IKZF3: variants seen among roughly 807,000 people sequenced by gnomAD.
IKZF3 encodes the protein IKAROS family zinc finger 3.
IKZF3 carries 10 observed loss-of-function variants against 49.0 expected under a neutral mutation model. That is an observed-to-expected ratio of 0.20 (90% CI 0.13 to 0.35). IKZF3 has a LOEUF of 0.35. Among genes scored for constraint, IKZF3 ranks in the 10% least tolerant of loss-of-function variants. IKZF3 has a pLI of 1.00. For missense variants in IKZF3, 498 were observed against 664.8 expected, an observed-to-expected ratio of 0.75 and a Z score of 2.76; for synonymous variants, 209 against 228.2, an observed-to-expected ratio of 0.92 and a Z score of 0.76.
At chr17:39,863,313 G>A (rs1480378075) in intron 1 of IKZF3, among the ~76,000 whole-genome samples, 1 of 152,084 alleles carries the variant, frequency 6.6e-6, no homozygotes, top group Non-Finnish European at 1.5e-5. Context: ...TTATTATGAA[G>A]AAAATACCCA....
chr17:39,830,011 C>T (rs1159047367), intron 2 of IKZF3, among the ~76,000 whole-genome samples: 1 of 152,144 alleles, frequency 6.6e-6, no homozygotes, highest in Non-Finnish European at 1.5e-5. Context: ...TGAATACACA[C>T]AACTTTCTTG....
chr17:39,844,485 A>T (rs1032028619), intron 1 of IKZF3, among the ~76,000 whole-genome samples: 2 of 152,080 alleles, frequency 1.3e-5, no homozygotes. Flanking sequence ...CTTAAAAGTC[A>T]CCTATTCAAA....
intron 1 of IKZF3, 25 bp from the exon 2 acceptor site, chr17:39,832,176 T>C (rs987367412): frequency 4.5e-6 from 7 of 1,557,340 alleles, no homozygotes; most frequent in Non-Finnish European, 6.2e-6. Flanking sequence ...GTTATAAATA[T>C]TAGCTACTTA....
chr17:39,853,252 T>C (rs1387694991), intron 1 of IKZF3, among the ~76,000 whole-genome samples: 3 of 152,156 alleles, frequency 2.0e-5, no homozygotes, highest in Admixed American at 1.3e-4. Context: ...ATTTTGCATA[T>C]GTGACACAAA....
At chr17:39,782,574 T>C (rs1597991888) in intron 6 of IKZF3, among the ~76,000 whole-genome samples, 1 of 152,308 alleles carries the variant, frequency 6.6e-6, no homozygotes, top group Admixed American at 6.5e-5. Context: ...CAACTGTCTA[T>C]TTATACGAAC....
In IKZF3 at chr17:39,777,676, T is replaced by C. The variant is rs1390834787; in HGVS notation, c.801A>G (p.Lys267=). 9 of 1,613,572 alleles carry C rather than the reference T, an allele frequency of 5.6e-6. No individual in the cohort carries two copies. Among genetic ancestry groups the C allele is most frequent in the Non-Finnish European group, 7.6e-6 (9 of 1,179,794 alleles). The change falls in exon 7 of 8, where the codon AAA becomes AAG. Residue 267 remains lysine (K), a synonymous_variant. Coordinates refer to ENST00000346872, the MANE Select transcript of IKZF3 (RefSeq NM_012481.5). The stretch of plus-strand genomic sequence containing the variant: ...CAATGAATTTCTGAGGCATTGAGCT[T>C]TTTCGTTTTGCCACATTGCTTGCTA... ...DRLASNVAKR[K]SSMPQKFIGE...
At chr17:39,791,729 CTAAGA>C in intron 4 of IKZF3, 146 bp from the exon 5 acceptor site, 1 of 765,030 alleles carries the variant, frequency 1.3e-6, no homozygotes, top group South Asian at 1.9e-5. Flanking sequence ...CAAGGCAAGC[CTAAGA>C]CTTACTTATG....
chr17:39,839,594 A>AT, intron 1 of IKZF3: 9 of 433,828 alleles, frequency 2.1e-5, no homozygotes, highest in East Asian at 7.4e-5. Context: ...CTTTATTTTT[A>AT]TTTTTTTTAG....
intron 3 of IKZF3, among the ~76,000 whole-genome samples, chr17:39,797,110 A>G (rs1466316240): frequency 2.0e-5 from 3 of 151,240 alleles, no homozygotes; most frequent in Non-Finnish European, 4.4e-5. Flanking sequence ...GGTTGCAGTG[A>G]GCTGAGATCC....
intron 3 of IKZF3, among the ~76,000 whole-genome samples, chr17:39,800,314 G>A (rs566381752): frequency 1.3e-5 from 2 of 152,284 alleles, no homozygotes; most frequent in South Asian, 4.1e-4. Flanking sequence ...CTTAAGTCAG[G>A]TGGTGGGTGT....
intron 1 of IKZF3, among the ~76,000 whole-genome samples, chr17:39,837,234 C>G (rs2062315748): frequency 1.3e-5 from 2 of 152,022 alleles, no homozygotes; most frequent in Non-Finnish European, 2.9e-5. Flanking sequence ...TGTGCCTGGC[C>G]TGGTGCTTTT....
chr17:39,777,369 C>T (rs989041180), intron 7 of IKZF3, among the ~76,000 whole-genome samples: 1 of 152,198 alleles, frequency 6.6e-6, no homozygotes, highest in Non-Finnish European at 1.5e-5. Context: ...CAACATATGT[C>T]ATTCAGAGTA....
intron 3 of IKZF3, among the ~76,000 whole-genome samples, chr17:39,797,859 T>C (rs1214354292): frequency 6.6e-6 from 1 of 152,118 alleles, no homozygotes; most frequent in African/African-American, 2.4e-5. Context: ...ACACCCCTCT[T>C]GTATGGCAAT....
intron 6 of IKZF3, among the ~76,000 whole-genome samples, chr17:39,783,162 G>A (rs193017518): frequency 4.6e-4 from 70 of 152,304 alleles, no homozygotes; most frequent in Non-Finnish European, 7.4e-4. Flanking sequence ...CTATGGTGTA[G>A]TCAGTCAGTA....
chr17:39,835,993 T>C (rs1375353279), intron 1 of IKZF3: 12 of 637,614 alleles, frequency 1.9e-5, no homozygotes, highest in East Asian at 1.3e-4. Flanking sequence ...CTCTTGGACA[T>C]GTTGTCCATG....
rs1242340562 is a variant in IKZF3, at chr17:39,760,283, A to C, written c.*5507T>G. 2 of 149,024 alleles carry C rather than the reference A, an allele frequency of 1.3e-5. No homozygotes were observed. The highest frequency in any genetic ancestry group is 5.0e-5 in the African/African-American group (2 of 39,776). The allele number at this position is 149,024 out of a possible 1,614,324, so 9.2% of individuals were successfully genotyped here. A position where few individuals can be genotyped will look rare whatever the true frequency, so the allele number is the denominator to read the frequency against. On this transcript the variant is annotated 3_prime_UTR_variant, in exon 8 of 8. Transcript: ENST00000346872. ...GCAATTCTCCTGCGTCAGCCTCCCG[A>C]GTAGCTGGGATTACAGGTGTGCACC...
chr17:39,822,907 A>C (rs546074608), intron 3 of IKZF3, among the ~76,000 whole-genome samples: 10 of 152,104 alleles, frequency 6.6e-5, no homozygotes, highest in Non-Finnish European at 1.5e-5. Flanking sequence ...GCAGTGTGAG[A>C]GTGGACTAAT....
rs371807168 is a variant in IKZF3 at position 39,791,444 on chromosome 17, C to T, written c.564G>A (p.Ala188=). 66 of 1,613,720 alleles carry T rather than the reference C, an allele frequency of 4.1e-5. No homozygotes were observed. The highest frequency in any genetic ancestry group is 2.2e-4 in the Admixed American group (13 of 59,968). Residue 188 remains alanine (A), a synonymous_variant, in exon 5 of 8, where the codon GCG becomes GCA. Coordinates refer to ENST00000346872, the MANE Select transcript of IKZF3 (RefSeq NM_012481.5). ...LCNYACQRRD[A]LTGHLRTHSV... ...AATGTGTCCTAAGATGCCCCGTGAG[C>T]GCATCTCTTCTTTGGCATGCATAGT...
chr17:39,830,741 A>C (rs533012929), intron 2 of IKZF3, among the ~76,000 whole-genome samples: 114 of 152,350 alleles, frequency 7.5e-4, no homozygotes, highest in Non-Finnish European at 1.4e-3. Flanking sequence ...AATATAAAAA[A>C]TAGTCAAAGA....
Sources: allele counts gnomAD v4.1 joint callset (sites outside exome capture counted in the v4.1 genomes callset), GRCh38; gene constraint gnomAD v4.1.1; transcripts MANE v1.5; gene names NCBI Gene and HGNC (gene_info 2026-07-23, HGNC 2026-07-21).